CSF2RA: variants seen among roughly 807,000 people sequenced by gnomAD.
CSF2RA encodes colony stimulating factor 2 receptor subunit alpha.
Under a neutral mutation model 51.6 loss-of-function variants are expected in CSF2RA, and 42 were observed. That is an observed-to-expected ratio of 0.81 (90% confidence interval 0.64 to 1.05). CSF2RA has a LOEUF of 1.05. CSF2RA is among the 50% of genes least tolerant of loss of function. The pLI is 0.00. For missense variants in CSF2RA, 530 were observed against 501.1 expected, an observed-to-expected ratio of 1.06 and a Z score of -0.55; for synonymous variants, 222 against 193.0, an observed-to-expected ratio of 1.15 and a Z score of -1.24.
In CSF2RA at chrX:1,303,926, C is replaced by G. The variant is rs1355557225; in HGVS notation, c.950C>G (p.Ser317Cys). Residue 317 changes from serine to cysteine, a missense_variant, in exon 11 of 13, where the codon TCT becomes TGT. Transcript: ENST00000381529. ...GCAAACCTGTGTGTCTCTCCAGGTT[C>G]TGACGACGGGAACCTCGGCTCTGTG... ...SSWSEAIEFG[S>C]DDGNLGSVYI... 2 of 1,613,464 alleles carry G rather than the reference C, an allele frequency of 1.2e-6. No homozygotes were observed. Among genetic ancestry groups the G allele is most frequent in the South Asian group, 1.1e-5 (1 of 91,062 alleles).
At chrX:1,288,078 G>C (rs1212440490) in intron 4 of CSF2RA, among the ~76,000 whole-genome samples, 5 of 151,818 alleles carry the variant, frequency 3.3e-5, no homozygotes, top group Admixed American at 6.6e-5. Flanking sequence ...ATAAGATTGA[G>C]TTTTCACCTG....
At chrX:1,305,996 G>A (rs1338782526) in intron 12 of CSF2RA, 26 of 550,976 alleles carry the variant, frequency 4.7e-5, no homozygotes, top group Middle Eastern at 5.0e-4. Flanking sequence ...GCAGTAGAAC[G>A]GCTTGAACCC....
At chrX:1,314,968 C>T (rs1268477272), downstream of CSF2RA, among the ~76,000 whole-genome samples, 1 of 112,810 alleles carries the variant, frequency 8.9e-6, no homozygotes, top group Non-Finnish European at 2.1e-5. Context: ...CCCAACCCCA[C>T]TGTGCCTGCC....
At chrX:1,321,972 C>T in the CSF2RA span, among the ~76,000 whole-genome samples, 1 of 151,916 alleles carries the variant, frequency 6.6e-6, no homozygotes, top group African/African-American at 2.4e-5. Flanking sequence ...CCCTTTTCCA[C>T]TAAAAATACA....
rs182180582 is a variant in CSF2RA, at chrX:1,281,148, G to T, written c.-26-1530G>T. ...TCCTCCTCCTGCTCCTCCTCCTCCA[G>T]CTCCCCTTCTCCTCCTACTCCTCCT... is the stretch of plus-strand genomic sequence containing the variant. On this transcript the variant is annotated intron_variant, in intron 2 of 12. Coordinates refer to ENST00000381529, the MANE Select transcript of CSF2RA (RefSeq NM_172245.4). Among the ~76,000 whole-genome samples, 189 of 50,808 alleles carry T rather than the reference G, an allele frequency of 3.7e-3. 4 individuals are homozygous for T. Among genetic ancestry groups the T allele is most frequent in the African/African-American group, 0.017 (175 of 10,578 alleles). The allele number at this position is 50,808 out of a possible 152,430, so 33.3% of individuals were successfully genotyped here. A position where few individuals can be genotyped will look rare whatever the true frequency, so the allele number is the denominator to read the frequency against.
intron 1 of CSF2RA, among the ~76,000 whole-genome samples, chrX:1,269,141 T>G (rs750144695): frequency 1.3e-5 from 2 of 152,080 alleles, no homozygotes; most frequent in South Asian, 2.1e-4. Context: ...GAGGGAGGTG[T>G]TGTTGGAGGA....
At chrX:1,306,248 C>T (rs1347851190) in intron 12 of CSF2RA, among the ~76,000 whole-genome samples, 8 of 151,618 alleles carry the variant, frequency 5.3e-5, no homozygotes, top group Non-Finnish European at 1.0e-4. Flanking sequence ...CAAAGGCAGA[C>T]ACACAGACAG....
chrX:1,301,388 C>T (rs1273491214), intron 10 of CSF2RA, among the ~76,000 whole-genome samples: 4 of 144,932 alleles, frequency 2.8e-5, no homozygotes, highest in Non-Finnish European at 4.5e-5. Flanking sequence ...CATACTCATA[C>T]GGGGTCATGC....
At position 1,300,479 on chromosome X, in the gene CSF2RA, T is replaced by A. The variant is rs2092295888; in HGVS notation, c.811-12T>A. On this transcript the variant is annotated splice_polypyrimidine_tract_variant and intron_variant, in intron 9 of 12. Coordinates refer to ENST00000381529, the MANE Select transcript of CSF2RA (RefSeq NM_172245.4). Reference sequence around the variant, plus strand: ...AAGACGCCTATCTCTAACTTTCTTTTTTCCTCCAAAGATTAATGTTTCTGG... The same window carrying A: ...AAGACGCCTATCTCTAACTTTCTTTATTCCTCCAAAGATTAATGTTTCTGG... 1 of 1,613,922 alleles carries A rather than the reference T, an allele frequency of 6.2e-7. No homozygotes were observed. The highest frequency in any genetic ancestry group is 8.5e-7 in the Non-Finnish European group (1 of 1,179,830).
At chrX:1,274,666 G>A (rs2088927631) in intron 1 of CSF2RA, 89 bp from the exon 2 acceptor site, 1 of 445,172 alleles carries the variant, frequency 2.2e-6, no homozygotes, top group Non-Finnish European at 4.5e-6. Flanking sequence ...CCTTATTTAC[G>A]AATAAAATGC....
rs753041075 is a variant in CSF2RA, at chrX:1,305,590, A to G, written c.1125+63A>G. The G allele has an allele frequency of 3.1e-6, 5 of 1,613,802 alleles. No homozygotes were observed. In the East Asian group the frequency reaches 8.9e-5, roughly 29 times the overall value. On this transcript the variant is annotated intron_variant, in intron 12 of 12. Transcript: ENST00000381529. ...AGGTGGGGAGTGGGGAGCGTGGGAC[A>G]CGGCCTCTGGGTGTCGACCATCTTG...
intron 2 of CSF2RA, among the ~76,000 whole-genome samples, chrX:1,280,681 T>C (rs772452380): frequency 2.9e-4 from 42 of 143,480 alleles, no homozygotes; most frequent in African/African-American, 1.0e-3. Context: ...TCCTCCTCCT[T>C]CTTCTTCTCT....
chrX:1,322,256 C>T, the CSF2RA span, among the ~76,000 whole-genome samples: 1 of 142,754 alleles, frequency 7.0e-6, no homozygotes, highest in Non-Finnish European at 1.5e-5. Context: ...CAGGTGCCCG[C>T]CACGTCACCC....
intron 7 of CSF2RA, 92 bp downstream of exon 7, chrX:1,290,601 A>C: frequency 1.4e-4 from 181 of 1,283,458 alleles, no homozygotes; most frequent in Non-Finnish European, 1.9e-4. Context: ...GCGGTGTCTC[A>C]CACCTGTAAT....
At position 1,288,507 on chromosome X, in the gene CSF2RA, G is replaced by T. The variant is rs1190286121; in HGVS notation, c.220-12G>T. 2.5e-6 allele frequency: 4 copies of T among 1,613,906 alleles called. No homozygotes were observed. Among genetic ancestry groups the T allele is most frequent in the Non-Finnish European group, 2.5e-6 (3 of 1,179,848 alleles). Reference sequence around the variant, plus strand: ...GTTTCCTAATCGGCTCTGTCTGGTTGCAATTCTTCAGCTCAGTAACAACGA... The same window carrying T: ...GTTTCCTAATCGGCTCTGTCTGGTTTCAATTCTTCAGCTCAGTAACAACGA... On this transcript the variant is annotated splice_polypyrimidine_tract_variant and intron_variant, in intron 4 of 12. Transcript: ENST00000381529.
Position 1,309,612 on chromosome X carries a change from C to T in CSF2RA, c.*133C>T, listed in dbSNP as rs369199660. ...TAAAAACATGACATTTGGGGCCAGGCGCGGTGGCTCACGCCTGTAATCCCA... is the reference window on the plus strand; with the variant it reads ...TAAAAACATGACATTTGGGGCCAGGTGCGGTGGCTCACGCCTGTAATCCCA... On this transcript the variant is annotated 3_prime_UTR_variant, in exon 13 of 13. Coordinates refer to ENST00000381529, the MANE Select transcript of CSF2RA (RefSeq NM_172245.4). 1.5e-5 allele frequency: 24 copies of T among 1,610,608 alleles called. No individual in the cohort carries two copies. Among genetic ancestry groups the T allele is most frequent in the African/African-American group, 4.0e-5 (3 of 74,802 alleles).
chrX:1,316,083 A>AGAT, the CSF2RA span, among the ~76,000 whole-genome samples: 1 of 140,328 alleles, frequency 7.1e-6, no homozygotes, highest in Admixed American at 7.0e-5. Context: ...TAGATAGAAT[A>AGAT]GATAAATGGA....
At chrX:1,293,288 G>T (rs1175182385) in intron 7 of CSF2RA, among the ~76,000 whole-genome samples, 5 of 152,048 alleles carry the variant, frequency 3.3e-5, no homozygotes, top group African/African-American at 1.2e-4. Context: ...GCGGGATCTC[G>T]GCTCACTGCA....
chrX:1,317,664 T>C, the CSF2RA span, among the ~76,000 whole-genome samples: 2 of 150,682 alleles, frequency 1.3e-5, no homozygotes, highest in African/African-American at 2.4e-5. Flanking sequence ...AACGTGCAAA[T>C]TTCTGTAACG....
Sources: allele counts gnomAD v4.1 joint callset (sites outside exome capture counted in the v4.1 genomes callset), GRCh38; gene constraint gnomAD v4.1.1; transcripts MANE v1.5; gene names NCBI Gene and HGNC (gene_info 2026-07-23, HGNC 2026-07-21).